DTX4: variants seen among roughly 807,000 people sequenced by gnomAD.
The protein encoded by DTX4 is deltex E3 ubiquitin ligase 4.
A neutral mutation model predicts 57.6 loss-of-function variants in DTX4; 28 were observed. That is an observed-to-expected ratio of 0.49 (90% CI 0.36 to 0.67). The LOEUF (loss-of-function observed/expected upper bound fraction) is 0.67, where lower values mean the gene tolerates loss of function less well. Ranked by LOEUF, DTX4 falls within the 30% of genes least tolerant of loss-of-function variation. DTX4 has a pLI of 0.00. For synonymous variants in DTX4, 316 were observed against 331.0 expected (o/e 0.95, Z 0.49); for missense variants, 715 against 836.8 (o/e 0.85, Z 1.80).
At chr11:59,204,134 G>A (rs1200716655) in intron 8 of DTX4, among the ~76,000 whole-genome samples, 1 of 151,974 alleles carries the variant, frequency 6.6e-6, no homozygotes, top group Non-Finnish European at 1.5e-5. Flanking sequence ...TTCTCACCTC[G>A]AGAAAGTCAG....
intron 4 of DTX4, among the ~76,000 whole-genome samples, chr11:59,189,681 C>A (rs1862572261): frequency 6.6e-6 from 1 of 152,082 alleles, no homozygotes; most frequent in Non-Finnish European, 1.5e-5. Flanking sequence ...CCACATGGAG[C>A]CCCTATTTTC....
chr11:59,191,265 G>A, intron 5 of DTX4, 90 bp downstream of exon 5: 1 of 1,335,258 alleles, frequency 7.5e-7, no homozygotes, highest in South Asian at 1.3e-5. Context: ...GATATGGCGG[G>A]GGCTGCATTC....
At chr11:59,177,068 C>T (rs1470719864) in intron 1 of DTX4, among the ~76,000 whole-genome samples, 1 of 152,188 alleles carries the variant, frequency 6.6e-6, no homozygotes, top group Non-Finnish European at 1.5e-5. Context: ...TCTTGACATC[C>T]CTCTGACACC....
intron 2 of DTX4, among the ~76,000 whole-genome samples, chr11:59,182,903 T>C (rs547460639): frequency 6.6e-6 from 1 of 152,288 alleles, no homozygotes; most frequent in Non-Finnish European, 1.5e-5. Context: ...GCTATTATTG[T>C]ACCACTACAC....
intron 7 of DTX4, among the ~76,000 whole-genome samples, chr11:59,195,916 G>T (rs942053315): frequency 2.0e-5 from 3 of 152,232 alleles, no homozygotes; most frequent in African/African-American, 7.2e-5. Context: ...ATTTGCACTT[G>T]TAATTTGATA....
intron 8 of DTX4, among the ~76,000 whole-genome samples, chr11:59,204,002 C>G (rs1014441522): frequency 6.6e-6 from 1 of 152,216 alleles, no homozygotes; most frequent in African/African-American, 2.4e-5. Context: ...ATGCTGGACA[C>G]TACTCTGACC....
At chr11:59,173,628 C>T (rs184259315) in intron 1 of DTX4, among the ~76,000 whole-genome samples, 23 of 152,236 alleles carry the variant, frequency 1.5e-4, no homozygotes, top group African/African-American at 5.3e-4. Context: ...GAAACCATAG[C>T]CTGTAAGGAA....
At position 59,195,355 on chromosome 11, in the gene DTX4, C is replaced by G. The variant is rs1231983287; in HGVS notation, c.1522C>G (p.Pro508Ala). Residue 508 changes from proline (P) to alanine (A), a missense_variant, in exon 7 of 9, where the codon CCC (proline) becomes GCC (alanine). Transcript: ENST00000227451. ...AACCATCCGGATCATCTACAGCATC[C>G]CCCCCGGCATTCAGGTGAGCCTTTC... is the stretch of plus-strand genomic sequence containing the variant. ...CKTIRIIYSIPPGIQGPEHPN... is the reference protein window; with the variant it reads ...CKTIRIIYSIAPGIQGPEHPN... 2 of 1,605,864 alleles carry G rather than the reference C, an allele frequency of 1.2e-6. No individual in the cohort carries two copies. The highest frequency in any genetic ancestry group is 2.7e-5 in the African/African-American group (2 of 74,682).
At chr11:59,186,192 T>A (rs1862525893) in intron 2 of DTX4, among the ~76,000 whole-genome samples, 1 of 152,122 alleles carries the variant, frequency 6.6e-6, no homozygotes, top group South Asian at 2.1e-4. Flanking sequence ...CCCATAGTCT[T>A]CTTGTGTGTC....
intron 1 of DTX4, among the ~76,000 whole-genome samples, chr11:59,174,971 A>T (rs1008481862): frequency 1.3e-5 from 2 of 152,210 alleles, no homozygotes; most frequent in Non-Finnish European, 2.9e-5. Context: ...GGTGCTGCGG[A>T]CACTGGGCTG....
Position 59,172,551 on chromosome 11 carries a change from G to T in DTX4, c.-45G>T. The T allele has an allele frequency of 7.8e-7, 1 of 1,278,918 alleles. No homozygotes were observed. Among genetic ancestry groups the T allele is most frequent in the East Asian group, 3.2e-5 (1 of 31,572 alleles). 79.2% of individuals were successfully genotyped at this position (1,278,918 alleles called of 1,614,324 possible). On this transcript the variant is annotated 5_prime_UTR_variant, in exon 1 of 9. Transcript: ENST00000227451. ...GGAAGCGGAGGAGGTCGGGCGCTCG[G>T]GGCCCGGGAGGCGGGCCGCGCAGCG...
In DTX4 at chr11:59,182,094, C is replaced by T; in HGVS notation, c.567C>T (p.Cys189=). 6 of 1,613,080 alleles carry T rather than the reference C, an allele frequency of 3.7e-6. No homozygotes were observed. Among genetic ancestry groups the T allele is most frequent in the Non-Finnish European group, 5.1e-6 (6 of 1,179,466 alleles). Residue 189 remains cysteine, a synonymous_variant, in exon 2 of 9, where the codon TGC becomes TGT. Transcript: ENST00000227451. ...CCACCTCGCCCCCCATGTCCCCCTG[C>T]TCCTGTCCCCAGTGTGTCTTGGTGA... The part of the protein sequence containing the change: ...GPATSPPMSP[C]SCPQCVLVMS...
At chr11:59,189,515 C>T (rs1862570683) in intron 4 of DTX4, among the ~76,000 whole-genome samples, 192 bp downstream of exon 4, 2 of 152,082 alleles carry the variant, frequency 1.3e-5, no homozygotes, top group Admixed American at 6.5e-5. Context: ...GATGGAAACA[C>T]CTTGAGAAAT....
At chr11:59,204,591 C>T in intron 8 of DTX4, 85 bp from the exon 9 acceptor site, 1 of 1,295,666 alleles carries the variant, frequency 7.7e-7, no homozygotes, top group South Asian at 1.3e-5. Context: ...GGATGGGGCC[C>T]TTGGGAGGAT....
intron 6 of DTX4, among the ~76,000 whole-genome samples, chr11:59,192,655 T>C (rs947892442): frequency 9.2e-5 from 14 of 152,184 alleles, no homozygotes; most frequent in African/African-American, 2.9e-4. Flanking sequence ...CCATTGTAAA[T>C]GGGTTTCCCA....
intron 7 of DTX4, among the ~76,000 whole-genome samples, chr11:59,198,231 C>T (rs1363129667): frequency 2.0e-5 from 3 of 152,154 alleles, no homozygotes; most frequent in East Asian, 1.9e-4. Flanking sequence ...AGGGCACAGC[C>T]GTGTTGGGTC....
At chr11:59,199,016 C>T (rs1037088877) in intron 7 of DTX4, among the ~76,000 whole-genome samples, 1 of 152,240 alleles carries the variant, frequency 6.6e-6, no homozygotes, top group Admixed American at 6.5e-5. Context: ...TATTGGGTGG[C>T]AATAGTTGAA....
chr11:59,171,924 A>C (rs1862328469), upstream of DTX4, among the ~76,000 whole-genome samples: 1 of 152,156 alleles, frequency 6.6e-6, no homozygotes, highest in Non-Finnish European at 1.5e-5. Flanking sequence ...GGGCCGTGTC[A>C]TGGCGGGTCG....
At chr11:59,181,611 G>GTCA in intron 1 of DTX4, 128 bp from the exon 2 acceptor site, 1 of 1,334,418 alleles carries the variant, frequency 7.5e-7, no homozygotes, top group Non-Finnish European at 1.0e-6. Context: ...TTCAGGCAGT[G>GTCA]TCATGCCCAG....
Sources: gnomAD v4.1 joint callset for allele counts (sites outside exome capture counted in the v4.1 genomes callset) on GRCh38, gnomAD v4.1.1 for gene constraint, MANE v1.5 for transcripts, NCBI Gene and HGNC (gene_info 2026-07-23, HGNC 2026-07-21) for gene names.